SLC10A7: variants seen among roughly 807,000 people sequenced by gnomAD.
SLC10A7 encodes solute carrier family 10 member 7.
Under a neutral mutation model 43.2 loss-of-function variants are expected in SLC10A7, and 29 were observed. That is an observed-to-expected ratio of 0.67 (90% CI 0.50 to 0.92). The LOEUF is 0.92. SLC10A7 is among the 40% of genes least tolerant of loss of function. SLC10A7 has a pLI of 0.00. For missense variants in SLC10A7, 295 were observed against 403.2 expected, an observed-to-expected ratio of 0.73 and a Z score of 2.30; for synonymous variants, 152 against 144.8, an observed-to-expected ratio of 1.05 and a Z score of -0.35.
chr4:146,404,805 T>C (rs915217008), intron 5 of SLC10A7, among the ~76,000 whole-genome samples: 3 of 152,136 alleles, frequency 2.0e-5, no homozygotes, highest in African/African-American at 7.2e-5. Context: ...ACTTTGGATA[T>C]AAAAGCACTT....
At chr4:146,367,501 T>G (rs1736479133) in intron 5 of SLC10A7, among the ~76,000 whole-genome samples, 1 of 152,202 alleles carries the variant, frequency 6.6e-6, no homozygotes. Context: ...TTAGAGAGTA[T>G]AGGTTCACAA....
intron 4 of SLC10A7, among the ~76,000 whole-genome samples, chr4:146,467,684 TC>T (rs1342017857): frequency 1.4e-5 from 2 of 146,424 alleles, no homozygotes; most frequent in Admixed American, 6.9e-5. Context: ...TGCCTCAGCC[TC>T]CCAAGTAGCT....
intron 5 of SLC10A7, among the ~76,000 whole-genome samples, chr4:146,419,743 C>T (rs1020117215): frequency 4.0e-5 from 6 of 151,520 alleles, no homozygotes; most frequent in Non-Finnish European, 8.8e-5. Context: ...GGCTGAGGCA[C>T]GAGAATCGCT....
intron 5 of SLC10A7, among the ~76,000 whole-genome samples, chr4:146,439,605 A>T (rs557216197): frequency 6.6e-6 from 1 of 152,126 alleles, no homozygotes; most frequent in African/African-American, 2.4e-5. Context: ...CAAAGCTTCA[A>T]TAAAAACCTA....
intron 5 of SLC10A7, among the ~76,000 whole-genome samples, chr4:146,379,582 T>A (rs1047073310): frequency 6.6e-6 from 1 of 152,228 alleles, no homozygotes; most frequent in South Asian, 2.1e-4. Context: ...ACTGAAGAGA[T>A]CAGAAAAGTG....
chr4:146,489,778 G>A (rs1386403996), intron 4 of SLC10A7, among the ~76,000 whole-genome samples: 1 of 152,118 alleles, frequency 6.6e-6, no homozygotes, highest in African/African-American at 2.4e-5. Context: ...ACCTGAGACA[G>A]GGCTTTTCCC....
At chr4:146,305,374 A>G (rs1355732429) in intron 7 of SLC10A7, among the ~76,000 whole-genome samples, 2 of 145,552 alleles carry the variant, frequency 1.4e-5, no homozygotes, top group East Asian at 4.2e-4. Context: ...GAATTGAACA[A>G]TGAGATCACA....
chr4:146,458,495 G>A (rs944965718), intron 4 of SLC10A7, among the ~76,000 whole-genome samples: 3 of 151,908 alleles, frequency 2.0e-5, no homozygotes, highest in Admixed American at 2.0e-4. Context: ...TCCCCAAGCA[G>A]ACCAAGTCAG....
chr4:146,471,319 A>G (rs986079352), intron 4 of SLC10A7, among the ~76,000 whole-genome samples: 18 of 152,356 alleles, frequency 1.2e-4, no homozygotes, highest in Non-Finnish European at 1.0e-4. Flanking sequence ...AAGTAACTAT[A>G]GAAGTTATCT....
chr4:146,382,548 A>G (rs1737703349), intron 5 of SLC10A7, among the ~76,000 whole-genome samples: 2 of 152,190 alleles, frequency 1.3e-5, no homozygotes, highest in Non-Finnish European at 2.9e-5. Flanking sequence ...AATATTTAAT[A>G]TGAATGGCAA....
At chr4:146,504,312 G>T (rs1171043191) in intron 3 of SLC10A7, among the ~76,000 whole-genome samples, 1 of 152,086 alleles carries the variant, frequency 6.6e-6, no homozygotes, top group Non-Finnish European at 1.5e-5. Context: ...GAGGTCAGGA[G>T]ATCGAGACCA....
chr4:146,287,490 A>G (rs979269733), intron 9 of SLC10A7, among the ~76,000 whole-genome samples: 4 of 152,208 alleles, frequency 2.6e-5, no homozygotes, highest in Non-Finnish European at 5.9e-5. Flanking sequence ...ACGGGCAAGC[A>G]GAGGCAAGTT....
chr4:146,343,770 A>G (rs1383620293), intron 5 of SLC10A7, among the ~76,000 whole-genome samples: 1 of 152,082 alleles, frequency 6.6e-6, no homozygotes, highest in East Asian at 1.9e-4. Flanking sequence ...CATCAATAAA[A>G]AAAGGATAGA....
intron 2 of SLC10A7, among the ~76,000 whole-genome samples, chr4:146,515,697 G>A (rs1213068946): frequency 1.3e-5 from 2 of 152,006 alleles, no homozygotes; most frequent in East Asian, 1.9e-4. Flanking sequence ...ATCATTTGAG[G>A]TCAGGAGTTC....
intron 6 of SLC10A7, among the ~76,000 whole-genome samples, chr4:146,309,060 G>C (rs1026883187): frequency 1.3e-5 from 2 of 152,116 alleles, no homozygotes; most frequent in Non-Finnish European, 2.9e-5. Context: ...CCATCGCCAA[G>C]TATGCCTGCA....
intron 6 of SLC10A7, among the ~76,000 whole-genome samples, chr4:146,313,844 T>C (rs1374664485): frequency 6.6e-6 from 1 of 152,174 alleles, no homozygotes; most frequent in Non-Finnish European, 1.5e-5. Flanking sequence ...GTCAATTTCT[T>C]CTCTAAATTT....
chr4:146,435,974 A>G (rs1730178298), intron 5 of SLC10A7, among the ~76,000 whole-genome samples: 1 of 152,024 alleles, frequency 6.6e-6, no homozygotes, highest in Non-Finnish European at 1.5e-5. Context: ...TTAAAGGGTA[A>G]TAAAATAACT....
chr4:146,382,638 T>C (rs558105409), intron 5 of SLC10A7, among the ~76,000 whole-genome samples: 108 of 152,288 alleles, frequency 7.1e-4, no homozygotes, highest in African/African-American at 2.6e-3. Context: ...GCACAGAAGA[T>C]GCTCATGATG....
chr4:146,379,966 T>G (rs1737494588), intron 5 of SLC10A7, among the ~76,000 whole-genome samples: 2 of 145,552 alleles, frequency 1.4e-5, no homozygotes, highest in Admixed American at 1.3e-4. Context: ...TCTCTGTGTG[T>G]GTGTGTGTGT....
Sources: allele counts gnomAD v4.1 joint callset (sites outside exome capture counted in the v4.1 genomes callset), GRCh38; gene constraint gnomAD v4.1.1; transcripts MANE v1.5; gene names NCBI Gene and HGNC (gene_info 2026-07-23, HGNC 2026-07-21).